MLLT3: variants seen among roughly 807,000 people sequenced by gnomAD.
The protein encoded by MLLT3 is MLLT3 super elongation complex subunit.
A neutral mutation model predicts 53.2 loss-of-function variants in MLLT3; 4 were observed. That is an observed-to-expected ratio of 0.08 (90% CI 0.04 to 0.17). The LOEUF (loss-of-function observed/expected upper bound fraction) is 0.17, where lower values mean the gene tolerates loss of function less well. MLLT3 is among the 10% of genes least tolerant of loss of function. MLLT3 has a pLI of 1.00. For missense variants in MLLT3, 569 were observed against 684.0 expected (o/e 0.83, Z 1.87); for synonymous variants, 283 against 230.6 (o/e 1.23, Z -2.06).
intron 10 of MLLT3, among the ~76,000 whole-genome samples, chr9:20,347,460 A>G (rs889822455): frequency 2.6e-5 from 4 of 152,312 alleles, no homozygotes; most frequent in African/African-American, 9.6e-5. Flanking sequence ...TCCAACTTTC[A>G]GAAAAATGTT....
chr9:20,526,133 C>T (rs1190412886), intron 2 of MLLT3, among the ~76,000 whole-genome samples: 1 of 152,088 alleles, frequency 6.6e-6, no homozygotes, highest in Non-Finnish European at 1.5e-5. Context: ...CATTAGGCAC[C>T]CATGAGGTGC....
chr9:20,556,939 G>A (rs566227885), intron 2 of MLLT3, among the ~76,000 whole-genome samples: 5 of 152,148 alleles, frequency 3.3e-5, no homozygotes, highest in East Asian at 3.9e-4. Flanking sequence ...TAATGACAAC[G>A]TATGCAATCA....
At chr9:20,581,699 T>C (rs200384338) in intron 2 of MLLT3, among the ~76,000 whole-genome samples, 3 of 152,276 alleles carry the variant, frequency 2.0e-5, no homozygotes, top group East Asian at 3.9e-4. Context: ...ACCTCTCATA[T>C]AAGATGCAGG....
At chr9:20,362,725 T>A (rs2118639775) in intron 7 of MLLT3, 1 of 150,564 alleles carries the variant, frequency 6.6e-6, no homozygotes, top group East Asian at 1.9e-4. Context: ...TTTTTTTTTT[T>A]TTTGAATCTT....
At chr9:20,376,811 A>C (rs764065400) in intron 5 of MLLT3, among the ~76,000 whole-genome samples, 1 of 152,194 alleles carries the variant, frequency 6.6e-6, no homozygotes, top group Non-Finnish European at 1.5e-5. Flanking sequence ...CAAAAAATCC[A>C]GTTGTTGCAA....
At chr9:20,557,026 C>A (rs114889150) in intron 2 of MLLT3, among the ~76,000 whole-genome samples, 13 of 152,110 alleles carry the variant, frequency 8.5e-5, no homozygotes, top group Admixed American at 3.9e-4. Context: ...AGAAGAAGAA[C>A]GCAACCTACT....
chr9:20,603,204 C>G (rs906041746), intron 2 of MLLT3, among the ~76,000 whole-genome samples: 9 of 151,926 alleles, frequency 5.9e-5, no homozygotes, highest in African/African-American at 2.2e-4. Flanking sequence ...CATATTTATC[C>G]AAAGACATAT....
intron 5 of MLLT3, among the ~76,000 whole-genome samples, chr9:20,393,690 A>G (rs538222462): frequency 1.9e-4 from 29 of 152,316 alleles, no homozygotes; most frequent in Admixed American, 1.5e-3. Flanking sequence ...TTATTGCGTG[A>G]TAAAAGTAAT....
intron 2 of MLLT3, among the ~76,000 whole-genome samples, chr9:20,600,845 C>CTACT (rs1445438606): frequency 3.9e-5 from 6 of 152,196 alleles, no homozygotes; most frequent in Non-Finnish European, 8.8e-5. Context: ...ATAGATCACT[C>CTACT]TACTTATTAT....
intron 2 of MLLT3, among the ~76,000 whole-genome samples, chr9:20,485,217 G>C (rs924267265): frequency 4.6e-5 from 7 of 152,112 alleles, no homozygotes; most frequent in Non-Finnish European, 7.4e-5. Context: ...TTGAGCTCCT[G>C]ACCTCAGGTG....
intron 5 of MLLT3, among the ~76,000 whole-genome samples, chr9:20,386,862 T>C (rs1822049872): frequency 6.6e-6 from 1 of 152,228 alleles, no homozygotes; most frequent in Non-Finnish European, 1.5e-5. Flanking sequence ...ATTACTATTT[T>C]ATCCAGATAT....
intron 5 of MLLT3, chr9:20,411,055 C>T (rs999425021): frequency 6.6e-6 from 1 of 152,216 alleles, no homozygotes; most frequent in Non-Finnish European, 1.5e-5. Context: ...CATCTAATCA[C>T]ACTTACTCAG....
At chr9:20,466,173 T>C (rs1420865631) in intron 2 of MLLT3, among the ~76,000 whole-genome samples, 1 of 152,122 alleles carries the variant, frequency 6.6e-6, no homozygotes, top group Non-Finnish European at 1.5e-5. Context: ...TTTAGATTTT[T>C]TAGGATTTTG....
At chr9:20,565,969 T>TATAA (rs1563820606) in intron 2 of MLLT3, among the ~76,000 whole-genome samples, 1 of 38,530 alleles carries the variant, frequency 2.6e-5, no homozygotes, top group Non-Finnish European at 4.6e-5. Context: ...TATATATATT[T>TATAA]ATATATATAT....
At chr9:20,459,728 T>C (rs1221956818) in intron 2 of MLLT3, among the ~76,000 whole-genome samples, 5 of 152,160 alleles carry the variant, frequency 3.3e-5, no homozygotes, top group Admixed American at 6.6e-5. Context: ...GATTTTTTTT[T>C]CCCCACCCTT....
At chr9:20,617,266 C>T (rs1282292654) in intron 2 of MLLT3, among the ~76,000 whole-genome samples, 1 of 152,124 alleles carries the variant, frequency 6.6e-6, no homozygotes, top group Non-Finnish European at 1.5e-5. Context: ...AAAACTTACC[C>T]AAATTATTTC....
chr9:20,618,855 A>G (rs770772500), intron 2 of MLLT3, among the ~76,000 whole-genome samples: 1 of 152,238 alleles, frequency 6.6e-6, no homozygotes, highest in Non-Finnish European at 1.5e-5. Flanking sequence ...TAATTTCATA[A>G]TGCCAATTTG....
intron 5 of MLLT3, among the ~76,000 whole-genome samples, chr9:20,412,645 G>A (rs183412530): frequency 6.6e-6 from 1 of 152,132 alleles, no homozygotes; most frequent in Non-Finnish European, 1.5e-5. Context: ...AAAGAAAAGT[G>A]TTCTAAGATT....
intron 4 of MLLT3, among the ~76,000 whole-genome samples, chr9:20,422,823 G>C (rs766553295): frequency 2.0e-5 from 3 of 152,186 alleles, no homozygotes; most frequent in African/African-American, 7.2e-5. Context: ...TCATCTGGTA[G>C]CAATGTGGGA....
Sources: allele counts gnomAD v4.1 joint callset (sites outside exome capture counted in the v4.1 genomes callset), GRCh38; gene constraint gnomAD v4.1.1; transcripts MANE v1.5; gene names NCBI Gene and HGNC (gene_info 2026-07-23, HGNC 2026-07-21).